Variants in DDR2 observed in about 807,000 individuals in gnomAD.
The protein encoded by DDR2 is discoidin domain-containing receptor 2.
Under a neutral mutation model 94.9 loss-of-function variants are expected in DDR2, and 27 were observed. That is an observed-to-expected ratio of 0.28 (90% CI 0.21 to 0.39). DDR2 has a LOEUF of 0.39. DDR2 is among the 10% of genes least tolerant of loss of function. The pLI, the probability that DDR2 is intolerant of heterozygous loss-of-function variation, is 1.00. For synonymous variants in DDR2, 382 were observed against 377.2 expected, an observed-to-expected ratio of 1.01 and a Z score of -0.15; for missense variants, 783 against 1,076.0, an observed-to-expected ratio of 0.73 and a Z score of 3.81.
chr1:162,765,448 C>G (rs937387256), intron 9 of DDR2, among the ~76,000 whole-genome samples: 7 of 152,150 alleles, frequency 4.6e-5, no homozygotes, highest in Admixed American at 3.9e-4. Context: ...CAACATCAAT[C>G]TGGCAAATAC....
intron 2 of DDR2, among the ~76,000 whole-genome samples, chr1:162,710,764 G>GCACACACACACA (rs113812328): frequency 2.2e-4 from 32 of 148,144 alleles, no homozygotes; most frequent in African/African-American, 7.7e-4. Flanking sequence ...ACACAGTCAT[G>GCACACACACACA]CACACACACA....
chr1:162,711,095 G>A (rs1359899018), intron 2 of DDR2, among the ~76,000 whole-genome samples: 3 of 152,222 alleles, frequency 2.0e-5, no homozygotes, highest in Non-Finnish European at 4.4e-5. Context: ...TCCGTGGAGA[G>A]AATGGCTGTC....
chr1:162,769,250 A>G (rs563561916), intron 11 of DDR2, among the ~76,000 whole-genome samples: 8 of 152,338 alleles, frequency 5.3e-5, no homozygotes, highest in Non-Finnish European at 7.4e-5. Context: ...CTACCCCTGT[A>G]CATCCTGAGT....
In DDR2 at chr1:162,636,721, A is replaced by G. The variant is rs150447237; in HGVS notation, c.-192+4090A>G. Reference sequence around the variant, plus strand: ...CATTTGAGTTTAGATAAGATAATGTATAGGAAACTGGAAAGCACTGTACCT... The same window carrying G: ...CATTTGAGTTTAGATAAGATAATGTGTAGGAAACTGGAAAGCACTGTACCT... On this transcript the variant is annotated intron_variant, in intron 1 of 17. Coordinates refer to ENST00000367921, the MANE Select transcript of DDR2 (RefSeq NM_006182.4). 9.8e-4 allele frequency among the ~76,000 whole-genome samples: 150 copies of G among 152,302 alleles called. No individual in the cohort carries two copies. The Middle Eastern group carries it at 0.01, about 10-fold the overall frequency.
chr1:162,775,954 G>A lies in DDR2; in HGVS notation c.2048+111G>A, dbSNP rs1647527581. 3 of 1,471,756 alleles carry A rather than the reference G, an allele frequency of 2.0e-6. No homozygotes were observed. In the Admixed American group the frequency reaches 5.0e-5, roughly 25 times the overall value. 91.2% of individuals were successfully genotyped at this position (1,471,756 alleles called of 1,614,324 possible). ...GTATCAATGTTCTGGGATGGTGGGG[G>A]AAGTCAGTGTGCAGGGAATAATGGA... On this transcript the variant is annotated intron_variant, in intron 15 of 17. Coordinates refer to ENST00000367921, the MANE Select transcript of DDR2 (RefSeq NM_006182.4).
chr1:162,656,833 G>GTTTTTTTT (rs761726921), intron 2 of DDR2, among the ~76,000 whole-genome samples: 5,958 of 65,334 alleles, frequency 0.091, 2,145 homozygotes, highest in Middle Eastern at 0.15. Flanking sequence ...TGCCACTGGA[G>GTTTTTTTT]TTTTTTTTTT....
At chr1:162,738,647 C>T (rs1277949819) in intron 3 of DDR2, among the ~76,000 whole-genome samples, 7 of 26,708 alleles carry the variant, frequency 2.6e-4, no homozygotes, top group African/African-American at 4.9e-4. Flanking sequence ...CCCGCATCGC[C>T]AAGTCAATCC....
chr1:162,744,901 T>C (rs985764073), intron 3 of DDR2, among the ~76,000 whole-genome samples: 1 of 152,226 alleles, frequency 6.6e-6, no homozygotes, highest in Non-Finnish European at 1.5e-5. Context: ...GGTAGTCCTA[T>C]TTTTAATTTT....
intron 1 of DDR2, among the ~76,000 whole-genome samples, chr1:162,651,044 A>G (rs1297187559): frequency 2.6e-5 from 4 of 152,068 alleles, no homozygotes; most frequent in Admixed American, 6.6e-5. Flanking sequence ...CCACATTATT[A>G]TATGTCCACA....
At chr1:162,640,047 T>C (rs1398078757) in intron 1 of DDR2, among the ~76,000 whole-genome samples, 1 of 151,644 alleles carries the variant, frequency 6.6e-6, no homozygotes, top group African/African-American at 2.4e-5. Context: ...TGAAATGATT[T>C]TTTTTTTTTT....
At chr1:162,718,573 TC>T (rs1312780340) in intron 2 of DDR2, among the ~76,000 whole-genome samples, 2 of 152,232 alleles carry the variant, frequency 1.3e-5, no homozygotes, top group East Asian at 3.9e-4. Context: ...AAATACAGAA[TC>T]CCAGGTATCA....
In DDR2 at chr1:162,780,403, C is replaced by A; in HGVS notation, c.*157C>A. 2.9e-6 allele frequency: 3 copies of A among 1,028,910 alleles called. No homozygotes were observed. The highest frequency in any genetic ancestry group is 2.8e-6 in the Non-Finnish European group (2 of 712,196). 63.7% of individuals were successfully genotyped at this position (1,028,910 alleles called of 1,614,324 possible). A position where few individuals can be genotyped will look rare whatever the true frequency, so the allele number is the denominator to read the frequency against. On this transcript the variant is annotated 3_prime_UTR_variant, in exon 18 of 18. Transcript: ENST00000367921. ...TTTTCCTGGTCACCCCCACTCCCTA[C>A]CCCTGACTCATATACACTTTTTTTT...
intron 3 of DDR2, among the ~76,000 whole-genome samples, chr1:162,719,416 C>T (rs1472830694): frequency 6.6e-6 from 1 of 152,076 alleles, no homozygotes; most frequent in Admixed American, 6.6e-5. Context: ...TGGGAGGTGG[C>T]AGAAGCAACC....
At chr1:162,655,484 A>G (rs2101909256) in intron 2 of DDR2, 110 bp downstream of exon 2, 1 of 152,294 alleles carries the variant, frequency 6.6e-6, no homozygotes, top group East Asian at 1.9e-4. Flanking sequence ...AAAGTTGAAC[A>G]CTTGGTTTCT....
intron 11 of DDR2, 78 bp from the exon 12 acceptor site, chr1:162,770,224 A>C (rs1664194938): frequency 7.3e-7 from 1 of 1,361,398 alleles, no homozygotes. Context: ...TTTGAGTGGG[A>C]GAGCTGAGTT....
chr1:162,695,442 G>A (rs974369021), intron 2 of DDR2, among the ~76,000 whole-genome samples: 1 of 152,136 alleles, frequency 6.6e-6, no homozygotes, highest in Non-Finnish European at 1.5e-5. Flanking sequence ...TGTTGGCCAG[G>A]CTGGTCTCAA....
chr1:162,652,251 G>A (rs765969973), intron 1 of DDR2, among the ~76,000 whole-genome samples: 12 of 152,178 alleles, frequency 7.9e-5, no homozygotes, highest in Admixed American at 2.6e-4. Context: ...AAACCTGGGC[G>A]GGGTTTTCTG....
intron 3 of DDR2, among the ~76,000 whole-genome samples, chr1:162,742,247 G>T (rs1270728492): frequency 6.6e-6 from 1 of 152,232 alleles, no homozygotes; most frequent in African/African-American, 2.4e-5. Context: ...ATAGTGGATG[G>T]TGTGTTAGGC....
chr1:162,780,220 C>T lies in DDR2; in HGVS notation c.2542C>T (p.Leu848=). ...TCCCTCATTCCAAGAAATCCACCTT[C>T]TGCTCCTTCAACAAGGCGACGAGTG... The part of the protein sequence containing the change: ...NRPSFQEIHL[L]LLQQGDE Residue 848 remains leucine, a synonymous_variant, in exon 18 of 18, where the codon CTG becomes TTG. Coordinates refer to ENST00000367921, the MANE Select transcript of DDR2 (RefSeq NM_006182.4). 6.2e-7 allele frequency: 1 copy of T among 1,613,972 alleles called. No homozygotes were observed. Among genetic ancestry groups the T allele is most frequent in the South Asian group, 1.1e-5 (1 of 91,082 alleles).
Sources: gnomAD v4.1 joint callset for allele counts (sites outside exome capture counted in the v4.1 genomes callset) on GRCh38, gnomAD v4.1.1 for gene constraint, MANE v1.5 for transcripts, NCBI Gene and HGNC (gene_info 2026-07-23, HGNC 2026-07-21) for gene names.